Variants in ZNF425 observed in about 807,000 individuals in gnomAD.
The protein encoded by ZNF425 is zinc finger protein 425.
ZNF425 carries 21 observed loss-of-function variants against 17.0 expected under a neutral mutation model. That is an observed-to-expected ratio of 1.23 (90% CI 0.88 to 1.78). The LOEUF is 1.78. ZNF425 is among the 40% of genes most tolerant of loss of function. The pLI is 0.00. For missense variants in ZNF425, 868 were observed against 967.3 expected, an observed-to-expected ratio of 0.90 and a Z score of 1.36; for synonymous variants, 433 against 384.1, an observed-to-expected ratio of 1.13 and a Z score of -1.49.
rs371848496 is a variant in ZNF425 at position 149,104,906 on chromosome 7, C to T, written c.965G>A (p.Arg322Gln). The T allele has an allele frequency of 5.6e-6, 9 of 1,613,620 alleles. No homozygotes were observed. Among genetic ancestry groups the T allele is most frequent in the African/African-American group, 2.7e-5 (2 of 75,074 alleles). The change falls in exon 4 of 4, where the codon CGG becomes CAG. Residue 322 changes from arginine (R) to glutamine (Q), a missense_variant. Physicochemically the swap from Arg to Gln is conservative, Grantham distance 43. Coordinates refer to ENST00000378061, the MANE Select transcript of ZNF425 (RefSeq NM_001001661.3). This position sits in a 1 kb window ranked among gnomAD's most constrained non-coding sequence, Gnocchi z 4.3. ...VQQCELTEHL[R>Q]LHSGEKPFQC... ...GAAGGGCTTCTCTCCGCTGTGCAGCCGCAAGTGCTCCGTGAGCTCGCACTG... is the reference window on the plus strand; with the variant it reads ...GAAGGGCTTCTCTCCGCTGTGCAGCTGCAAGTGCTCCGTGAGCTCGCACTG...
chr7:149,112,428 G>A (rs10228956), intron 2 of ZNF425, 133 bp from the exon 3 acceptor site: 82,304 of 703,262 alleles, frequency 0.12, 5,345 homozygotes, highest in African/African-American at 0.22. Flanking sequence ...GAGGTCAGGA[G>A]TTAGAGACCA....
At chr7:149,112,862 G>A (rs1826197101) in intron 2 of ZNF425, among the ~76,000 whole-genome samples, 4 of 150,952 alleles carry the variant, frequency 2.6e-5, no homozygotes, top group Admixed American at 2.6e-4. Flanking sequence ...ATAGCGTTTT[G>A]CCACGTTGCC....
intron 3 of ZNF425, among the ~76,000 whole-genome samples, chr7:149,105,880 C>G (rs1356364593): frequency 6.6e-6 from 1 of 151,516 alleles, no homozygotes; most frequent in Non-Finnish European, 1.5e-5. Flanking sequence ...TCGTGATCCA[C>G]TGCCTCGGCC....
intron 3 of ZNF425, among the ~76,000 whole-genome samples, chr7:149,107,833 C>T (rs1271203415): frequency 1.0e-5 from 1 of 99,008 alleles, no homozygotes; most frequent in Non-Finnish European, 2.2e-5. Flanking sequence ...GGAACTCTCT[C>T]CCATTTATTT....
chr7:149,122,079 C>CTT (rs1187182130), intron 1 of ZNF425, among the ~76,000 whole-genome samples: 313 of 129,064 alleles, frequency 2.4e-3, no homozygotes, highest in African/African-American at 6.8e-3. Context: ...CCACCGCCGG[C>CTT]TTTTTTTTTT....
intron 3 of ZNF425, among the ~76,000 whole-genome samples, chr7:149,109,550 C>T (rs1340623250): frequency 6.6e-6 from 1 of 152,144 alleles, no homozygotes; most frequent in Non-Finnish European, 1.5e-5. Flanking sequence ...TCCGCTCCTT[C>T]TCCTCTAAAT....
intron 1 of ZNF425, among the ~76,000 whole-genome samples, chr7:149,124,375 T>C (rs1231534919): frequency 6.6e-6 from 1 of 151,906 alleles, no homozygotes; most frequent in African/African-American, 2.4e-5. Flanking sequence ...CAGGATGGTC[T>C]CGATCTCCTG....
At chr7:149,122,223 C>T (rs112401628) in intron 1 of ZNF425, among the ~76,000 whole-genome samples, 5,494 of 152,012 alleles carry the variant, frequency 0.036, 324 homozygotes, top group African/African-American at 0.12. Context: ...TGAGCCACCA[C>T]TCCCGGCCAT....
chr7:149,118,652 TA>T, intron 1 of ZNF425: 2 of 414,248 alleles, frequency 4.8e-6, no homozygotes, highest in South Asian at 3.7e-5. Flanking sequence ...TCATCTCTAC[TA>T]AAAATTAAAA....
intron 2 of ZNF425, among the ~76,000 whole-genome samples, chr7:149,113,008 G>A (rs1237056454): frequency 8.3e-5 from 10 of 120,786 alleles, no homozygotes; most frequent in East Asian, 4.8e-4. Flanking sequence ...ACAGAGTATC[G>A]CTCTGTCTCC....
intron 2 of ZNF425, among the ~76,000 whole-genome samples, chr7:149,115,470 A>G (rs1826249742): frequency 7.2e-6 from 1 of 138,786 alleles, no homozygotes. Context: ...CCTGGCCAAC[A>G]TGACCACCCT....
In ZNF425 at chr7:149,105,112, C is replaced by A. The variant is rs374928838; in HGVS notation, c.759G>T (p.Lys253Asn). ...KKRFQCSECE[K>N]SYFLKGSLVT... ...CGAGGCTGCCCTTCAGGAAGTAGCT[C>A]TTCTCACACTCACTGCACTGGAACC... is the stretch of plus-strand genomic sequence containing the variant. The change falls in exon 4 of 4, where the codon AAG (lysine) becomes AAT (asparagine). Residue 253 changes from lysine (K) to asparagine (N), a missense_variant. Coordinates refer to ENST00000378061, the MANE Select transcript of ZNF425 (RefSeq NM_001001661.3). The A allele has an allele frequency of 1.9e-6, 3 of 1,614,122 alleles. No homozygotes were observed. In the African/African-American group the frequency reaches 4.0e-5, roughly 22 times the overall value.
chr7:149,103,766 C>G lies in ZNF425; in HGVS notation c.2105G>C (p.Gly702Ala), dbSNP rs200775505. Residue 702 changes from glycine (G) to alanine (A), a missense_variant, in exon 4 of 4, where the codon GGC (glycine) becomes GCC (alanine). Gly to Ala is a moderately conservative substitution (Grantham distance 60, BLOSUM62 0). Around this residue, in one of 5 missense-constraint regions of ZNF425, gnomAD observed 437 missense variants for 444.2 expected, o/e 0.98. Transcript: ENST00000378061. ...CTTCAGGCTTCTCTTCTGGAGGAAG[C>G]CTTTGCCACACTCGGGACACTGGAA... ...RPFQCPECGK[G>A]FLQKRSLKAH... The G allele has an allele frequency of 1.9e-6, 3 of 1,614,206 alleles. No individual in the cohort carries two copies. The highest frequency in any genetic ancestry group is 1.1e-5 in the South Asian group (1 of 91,090).
Position 149,104,867 on chromosome 7 carries a change from C to G in ZNF425, c.1004G>C (p.Cys335Ser). 1 of 1,613,656 alleles carries G rather than the reference C, an allele frequency of 6.2e-7. No homozygotes were observed. Reference protein sequence around the residue: ...SGEKPFQCPQCDRCFRLKRGM... With the variant: ...SGEKPFQCPQSDRCFRLKRGM... Reference sequence around the variant, plus strand: ...CCTCTTCAGGCGGAAGCACCGGTCACACTGCGGACACTGGAAGGGCTTCTC... The same window carrying G: ...CCTCTTCAGGCGGAAGCACCGGTCAGACTGCGGACACTGGAAGGGCTTCTC... Residue 335 changes from cysteine (C) to serine (S), a missense_variant, in exon 4 of 4, where the codon TGT becomes TCT. This residue lies in a region of ZNF425 where 243 missense variants were observed against 265.2 expected (regional missense o/e 0.92). Coordinates refer to ENST00000378061, the MANE Select transcript of ZNF425 (RefSeq NM_001001661.3). The surrounding 1 kb of genome is among the most constrained non-coding windows in gnomAD (Gnocchi z 4.3).
At chr7:149,112,973 C>CTTTTTTTTTTTTTT (rs35291501) in intron 2 of ZNF425, among the ~76,000 whole-genome samples, 1 of 123,986 alleles carries the variant, frequency 8.1e-6, no homozygotes, top group Non-Finnish European at 1.7e-5. Context: ...CCCCGTGACC[C>CTTTTTTTTTTTTTT]TTTTTTTTTT....
chr7:149,104,258 C>T lies in ZNF425; in HGVS notation c.1613G>A (p.Arg538His), dbSNP rs1056000362. Residue 538 changes from arginine (R) to histidine (H), a missense_variant, in exon 4 of 4, where the codon CGC (arginine) becomes CAC (histidine). Arg to His is a conservative substitution (Grantham distance 29, BLOSUM62 0). Around this residue, in one of 5 missense-constraint regions of ZNF425, gnomAD observed 437 missense variants for 444.2 expected, o/e 0.98. Coordinates refer to ENST00000378061, the MANE Select transcript of ZNF425 (RefSeq NM_001001661.3). This position sits in a 1 kb window ranked among gnomAD's most constrained non-coding sequence, Gnocchi z 4.3. ...CAECGRSFRR[R>H]AHLTEHTRLH... ...CCTCGTGTGCTCTGTGAGATGCGCG[C>T]GTCGGCGGAAACTGCGGCCGCACTC... The T allele has an allele frequency of 5.6e-6, 9 of 1,613,404 alleles. No homozygotes were observed. The African/African-American group carries it at 9.3e-5, about 17-fold the overall frequency.
intron 1 of ZNF425, among the ~76,000 whole-genome samples, chr7:149,118,912 T>C (rs1041381129): frequency 1.3e-5 from 2 of 152,162 alleles, no homozygotes; most frequent in African/African-American, 2.4e-5. Flanking sequence ...AGCAACCAGT[T>C]ACTGCTGTGG....
At chr7:149,118,731 T>G in intron 1 of ZNF425, 1 of 332,612 alleles carries the variant, frequency 3.0e-6, no homozygotes. Context: ...AGGAGAATCG[T>G]TTGAACCCGG....
chr7:149,118,128 A>G (rs760165137), intron 2 of ZNF425, 94 bp downstream of exon 2: 2 of 1,404,324 alleles, frequency 1.4e-6, no homozygotes, highest in African/African-American at 1.4e-5. Context: ...TGGGCACAGT[A>G]TCATATTCAA....
Sources: allele counts gnomAD v4.1 joint callset (sites outside exome capture counted in the v4.1 genomes callset), GRCh38; gene constraint gnomAD v4.1.1; regional missense constraint gnomAD v4.1.1; non-coding constraint Gnocchi (gnomAD v3.1); transcripts MANE v1.5; gene names NCBI Gene and HGNC (gene_info 2026-07-23, HGNC 2026-07-21).